ALK: variants seen among roughly 807,000 people sequenced by gnomAD.
ALK encodes ALK tyrosine kinase receptor.
ALK carries 74 observed loss-of-function variants against 163.1 expected under a neutral mutation model. That is an observed-to-expected ratio of 0.45 (90% CI 0.38 to 0.55). ALK has a LOEUF of 0.55. Among genes scored for constraint, ALK ranks in the 20% least tolerant of loss-of-function variants. The pLI, the probability that ALK is intolerant of heterozygous loss-of-function variation, is 0.00. For missense variants in ALK, 2,063 were observed against 2,105.3 expected (o/e 0.98, Z 0.39); for synonymous variants, 960 against 843.2 (o/e 1.14, Z -2.40).
intron 3 of ALK, among the ~76,000 whole-genome samples, chr2:29,584,498 C>T (rs569118660): frequency 1.1e-4 from 16 of 152,290 alleles, no homozygotes; most frequent in African/African-American, 1.9e-4. Flanking sequence ...TCCACACATC[C>T]GTGTGACCAT....
chr2:29,904,020 A>G (rs577019272), intron 1 of ALK, among the ~76,000 whole-genome samples: 1 of 152,334 alleles, frequency 6.6e-6, no homozygotes, highest in South Asian at 2.1e-4. Context: ...AGATTAAAAA[A>G]GAATAACTTG....
intron 3 of ALK, among the ~76,000 whole-genome samples, chr2:29,587,947 T>C (rs1443881903): frequency 1.3e-5 from 2 of 152,168 alleles, no homozygotes; most frequent in African/African-American, 4.8e-5. Context: ...CATCTAACCC[T>C]CCTCTTGGTT....
chr2:29,206,110 C>T (rs991340032), intron 26 of ALK, among the ~76,000 whole-genome samples: 2 of 152,132 alleles, frequency 1.3e-5, no homozygotes, highest in East Asian at 1.9e-4. Flanking sequence ...GTGAGGGGCT[C>T]AGCCACAGGA....
rs568066226 is a variant in ALK, at chr2:29,422,424, C to G, written c.1155-38565G>C. On this transcript the variant is annotated intron_variant, in intron 4 of 28. Transcript: ENST00000389048. ...CTCATCCCTGATCCTATGGGGGAGC[C>G]TCTCTAGTCCAGGCTTCTTTTATTA... 7.9e-5 allele frequency among the ~76,000 whole-genome samples: 12 copies of G among 151,546 alleles called. No individual in the cohort carries two copies. The South Asian group carries it at 2.5e-3, about 31-fold the overall frequency.
chr2:29,256,022 A>G (rs1664940958), intron 11 of ALK, among the ~76,000 whole-genome samples: 3 of 152,252 alleles, frequency 2.0e-5, no homozygotes, highest in Admixed American at 2.0e-4. Flanking sequence ...ACGCTAAGAC[A>G]GGTTGAGTCA....
chr2:29,262,965 T>G (rs1665125835), intron 11 of ALK, among the ~76,000 whole-genome samples: 1 of 152,120 alleles, frequency 6.6e-6, no homozygotes, highest in Admixed American at 6.5e-5. Flanking sequence ...GCTGTAAAAA[T>G]TAAGTTAAGG....
intron 1 of ALK, among the ~76,000 whole-genome samples, chr2:29,761,234 T>G (rs1040783170): frequency 2.0e-5 from 3 of 152,168 alleles, no homozygotes; most frequent in African/African-American, 7.2e-5. Context: ...GAGGTTCCAT[T>G]TATAAATTTG....
chr2:29,793,939 T>C (rs1054459598), intron 1 of ALK, among the ~76,000 whole-genome samples: 3 of 152,166 alleles, frequency 2.0e-5, no homozygotes, highest in African/African-American at 7.2e-5. Context: ...AATCACCACC[T>C]GTATTCACCC....
chr2:29,233,758 A>T (rs1053493843), intron 13 of ALK, 62 bp from the exon 14 acceptor site: 2 of 1,609,652 alleles, frequency 1.2e-6, no homozygotes, highest in Admixed American at 1.7e-5. Context: ...TTTGCAGCAG[A>T]CAGAACTTCT....
chr2:29,613,158 A>G (rs967372301), intron 3 of ALK, among the ~76,000 whole-genome samples: 1 of 152,238 alleles, frequency 6.6e-6, no homozygotes, highest in African/African-American at 2.4e-5. Context: ...GATTGTGGTC[A>G]TTGGTAGCTT....
intron 1 of ALK, among the ~76,000 whole-genome samples, chr2:29,783,086 G>T (rs1663882171): frequency 6.6e-6 from 1 of 152,178 alleles, no homozygotes; most frequent in South Asian, 2.1e-4. Flanking sequence ...ATTCCTCAAG[G>T]GCAGTGACTT....
At chr2:29,895,312 C>G (rs1325114781) in intron 1 of ALK, among the ~76,000 whole-genome samples, 1 of 152,202 alleles carries the variant, frequency 6.6e-6, no homozygotes, top group Non-Finnish European at 1.5e-5. Flanking sequence ...CTGCAGTGCA[C>G]TGGGATTCCA....
At chr2:29,639,119 G>T (rs1449285383) in intron 3 of ALK, among the ~76,000 whole-genome samples, 1 of 152,180 alleles carries the variant, frequency 6.6e-6, no homozygotes, top group Non-Finnish European at 1.5e-5. Flanking sequence ...CATGCCAGCA[G>T]AAATCTAGCT....
intron 11 of ALK, among the ~76,000 whole-genome samples, chr2:29,251,637 T>A (rs1268177026): frequency 6.6e-6 from 1 of 152,124 alleles, no homozygotes; most frequent in Non-Finnish European, 1.5e-5. Context: ...CCCCTGCAGG[T>A]GGGACAGGCG....
intron 4 of ALK, among the ~76,000 whole-genome samples, chr2:29,449,599 C>G (rs1010319927): frequency 2.0e-5 from 3 of 152,176 alleles, no homozygotes; most frequent in Non-Finnish European, 4.4e-5. Context: ...CAACTTGGAA[C>G]AGGAAAGCCC....
At chr2:29,554,385 G>A (rs1289450040) in intron 3 of ALK, among the ~76,000 whole-genome samples, 1 of 152,160 alleles carries the variant, frequency 6.6e-6, no homozygotes, top group African/African-American at 2.4e-5. Context: ...ACAATAGCAA[G>A]GCTGGGAGAA....
intron 1 of ALK, among the ~76,000 whole-genome samples, chr2:29,779,331 C>T (rs1681270410): frequency 6.6e-6 from 1 of 152,188 alleles, no homozygotes; most frequent in African/African-American, 2.4e-5. Context: ...GCTGAGTGGG[C>T]TAAACTGCTG....
intron 3 of ALK, among the ~76,000 whole-genome samples, chr2:29,532,737 C>T (rs1673153659): frequency 6.6e-6 from 1 of 152,202 alleles, no homozygotes; most frequent in African/African-American, 2.4e-5. Flanking sequence ...AACCTACATT[C>T]ATGGGGATTA....
intron 3 of ALK, among the ~76,000 whole-genome samples, chr2:29,674,185 G>T (rs1677799424): frequency 6.6e-6 from 1 of 151,706 alleles, no homozygotes; most frequent in Admixed American, 6.6e-5. Context: ...CTGCCTAATT[G>T]CCCTGGCCAG....
Sources: gnomAD v4.1 joint callset for allele counts (sites outside exome capture counted in the v4.1 genomes callset) on GRCh38, gnomAD v4.1.1 for gene constraint, MANE v1.5 for transcripts, NCBI Gene and HGNC (gene_info 2026-07-23, HGNC 2026-07-21) for gene names.